PIEZO2: variants seen among roughly 807,000 people sequenced by gnomAD.
PIEZO2 encodes piezo-type mechanosensitive ion channel component 2.
Under a neutral mutation model 337.3 loss-of-function variants are expected in PIEZO2, and 172 were observed. The observed-to-expected ratio is 0.51, with a 90% CI of 0.45 to 0.58. The LOEUF is 0.58. Among genes scored for constraint, PIEZO2 ranks in the 20% least tolerant of loss-of-function variants. PIEZO2 has a pLI of 0.00. For synonymous variants in PIEZO2, 1,251 were observed against 1,228.5 expected (o/e 1.02, Z -0.38); for missense variants, 3,028 against 3,391.3 (o/e 0.89, Z 2.66).
chr18:11,043,870 C>T (rs767600933), intron 2 of PIEZO2, among the ~76,000 whole-genome samples: 117 of 152,034 alleles, frequency 7.7e-4, no homozygotes, highest in Non-Finnish European at 1.2e-3. Flanking sequence ...CAGGGGGTTT[C>T]GTCATGTTTG....
rs1427081956 is a variant in PIEZO2, at chr18:10,800,319, T to C, written c.1378+18A>G. 8.5e-6 allele frequency: 13 copies of C among 1,525,656 alleles called. No homozygotes were observed. Among genetic ancestry groups the C allele is most frequent in the Non-Finnish European group, 7.9e-6 (9 of 1,142,378 alleles). The allele number at this position is 1,525,656 out of a possible 1,614,324, so 94.5% of individuals were successfully genotyped here. A position where few individuals can be genotyped will look rare whatever the true frequency, so the allele number is the denominator to read the frequency against. On this transcript the variant is annotated intron_variant, in intron 11 of 55. Coordinates refer to ENST00000674853, the MANE Select transcript of PIEZO2 (RefSeq NM_001378183.1). ...AATGAGGAAGAAATGCGACCCTGAGTGCAGGGCTGGCTCCTACCTGAGGAT... is the reference window on the plus strand; with the variant it reads ...AATGAGGAAGAAATGCGACCCTGAGCGCAGGGCTGGCTCCTACCTGAGGAT...
chr18:11,038,759 T>C lies in PIEZO2; in HGVS notation c.160+27368A>G, dbSNP rs1238817294. On this transcript the variant is annotated intron_variant, in intron 2 of 55. Coordinates refer to ENST00000674853, the MANE Select transcript of PIEZO2 (RefSeq NM_001378183.1). This position sits in a 1 kb window ranked among gnomAD's most constrained non-coding sequence, Gnocchi z 4.1. The stretch of plus-strand genomic sequence containing the variant: ...ATTGATTAAATGTATAATACATGCA[T>C]ACATACAAATAAAATTAGCTCTATA... Among the ~76,000 whole-genome samples the C allele has an allele frequency of 2.0e-5, 3 of 152,210 alleles. No homozygotes were observed. Among genetic ancestry groups the C allele is most frequent in the African/African-American group, 2.4e-5 (1 of 41,444 alleles).
chr18:11,098,155 T>C (rs2146079129), intron 1 of PIEZO2, among the ~76,000 whole-genome samples: 1 of 152,252 alleles, frequency 6.6e-6, no homozygotes, highest in South Asian at 2.1e-4. Context: ...AAATTAGTTA[T>C]GACACTGTTC....
At chr18:10,802,085 C>CAAAAA (rs58924448) in intron 9 of PIEZO2, among the ~76,000 whole-genome samples, 29 of 96,478 alleles carry the variant, frequency 3.0e-4, no homozygotes, top group Non-Finnish European at 3.5e-4. Flanking sequence ...GACTCCGTCT[C>CAAAAA]AAAAAAAAAA....
rs2040347384 is a variant in PIEZO2, at chr18:11,131,783, A to G, written c.64+16742T>C. Among the ~76,000 whole-genome samples, 1 of 152,178 alleles carries G rather than the reference A, an allele frequency of 6.6e-6. No individual in the cohort carries two copies. The highest frequency in any genetic ancestry group is 6.5e-5 in the Admixed American group (1 of 15,284). On this transcript the variant is annotated intron_variant, in intron 1 of 55. Coordinates refer to ENST00000674853, the MANE Select transcript of PIEZO2 (RefSeq NM_001378183.1). The surrounding 1 kb of genome is among the most constrained non-coding windows in gnomAD (Gnocchi z 5.3). ...GGTCAAAAACTGTGAAGATATTTGTATCCCATGTGAGTGCTCACCAATGGG... is the reference window on the plus strand; with the variant it reads ...GGTCAAAAACTGTGAAGATATTTGTGTCCCATGTGAGTGCTCACCAATGGG...
intron 1 of PIEZO2, among the ~76,000 whole-genome samples, chr18:11,073,915 C>T (rs1392287705): frequency 3.3e-5 from 5 of 150,470 alleles, no homozygotes; most frequent in Admixed American, 6.6e-5. Context: ...GGCGCAATCT[C>T]GGCTCGCTGC....
chr18:11,037,608 G>C (rs932834484), intron 2 of PIEZO2, among the ~76,000 whole-genome samples: 9 of 152,066 alleles, frequency 5.9e-5, no homozygotes, highest in Non-Finnish European at 1.2e-4. Context: ...GGAATGAGAG[G>C]GAACTTCATA....
chr18:11,073,848 CTTTTT>C (rs71362202), intron 1 of PIEZO2, among the ~76,000 whole-genome samples: 1 of 137,174 alleles, frequency 7.3e-6, no homozygotes. Flanking sequence ...ATAACAACTG[CTTTTT>C]TTTTTTTTTT....
rs1555657103 is a variant in PIEZO2, at chr18:10,837,752, T to TTTG, written c.917+17598_917+17600dup. ...ATTTTATAAAATTTCCTCATTTTTTTTTGTTGTTGTTGTTGTTGAGATGAA... is the reference window on the plus strand; with the variant it reads ...ATTTTATAAAATTTCCTCATTTTTTTTTGTTGTTGTTGTTGTTGTTGAGATGAA... On this transcript the variant is annotated intron_variant, in intron 7 of 55. Coordinates refer to ENST00000674853, the MANE Select transcript of PIEZO2 (RefSeq NM_001378183.1). The surrounding 1 kb of genome is among the most constrained non-coding windows in gnomAD (Gnocchi z 4.4). Among the ~76,000 whole-genome samples the TTTG allele has an allele frequency of 3.3e-5, 5 of 152,040 alleles. No homozygotes were observed. Among genetic ancestry groups the TTTG allele is most frequent in the Non-Finnish European group, 7.4e-5 (5 of 68,002 alleles).
At chr18:10,762,391 G>A (rs1475657521) in intron 23 of PIEZO2, 109 bp downstream of exon 23, 2 of 1,325,154 alleles carry the variant, frequency 1.5e-6, no homozygotes, top group Admixed American at 2.8e-5. Flanking sequence ...AATCCCACAT[G>A]AGAAGATATG....
chr18:11,122,321 A>G (rs1271339017), intron 1 of PIEZO2, among the ~76,000 whole-genome samples: 1 of 152,230 alleles, frequency 6.6e-6, no homozygotes, highest in Non-Finnish European at 1.5e-5. Context: ...GACATTATCA[A>G]GATTTACTTT....
At chr18:10,695,968 C>T in intron 47 of PIEZO2, 106 bp downstream of exon 47, 3 of 1,123,662 alleles carry the variant, frequency 2.7e-6, no homozygotes, top group Non-Finnish European at 2.7e-6. Flanking sequence ...TGTGCCAAGG[C>T]TCTGCCTGTG....
chr18:10,733,009 G>A (rs928622995), intron 35 of PIEZO2, among the ~76,000 whole-genome samples: 1 of 44,412 alleles, frequency 2.3e-5, no homozygotes, highest in Non-Finnish European at 3.9e-5. Context: ...TTGAGGATTT[G>A]TGAATATGAG....
chr18:10,983,043 A>T (rs1397535240), intron 2 of PIEZO2, among the ~76,000 whole-genome samples: 1 of 152,230 alleles, frequency 6.6e-6, no homozygotes, highest in Non-Finnish European at 1.5e-5. Context: ...TTAAACAAAC[A>T]GAAACTTATA....
At position 11,048,605 on chromosome 18, in the gene PIEZO2, T is replaced by C. The variant is rs1377193958; in HGVS notation, c.160+17522A>G. 6.6e-6 allele frequency among the ~76,000 whole-genome samples: 1 copy of C among 152,252 alleles called. No homozygotes were observed. Among genetic ancestry groups the C allele is most frequent in the Non-Finnish European group, 1.5e-5 (1 of 68,044 alleles). On this transcript the variant is annotated intron_variant, in intron 2 of 55. Transcript: ENST00000674853. This position sits in a 1 kb window ranked among gnomAD's most constrained non-coding sequence, Gnocchi z 4.5. ...GTAAGATACAGCAGAATGAGGGAAA[T>C]GCTTATATAGATAACTGAATTATTT... is the stretch of plus-strand genomic sequence containing the variant.
In PIEZO2 at chr18:10,789,212, A is replaced by C; in HGVS notation, c.2036T>G (p.Val679Gly). ...QDIMKVLGNL[V>G]VAMFIKYWIY... ...CCAGTACTTGATGAACATGGCCACC[A>C]CCAGATTGCCCAGGACTTTCATGAT... The change falls in exon 15 of 56, where the codon GTG (valine) becomes GGG (glycine). Residue 679 changes from valine (V) to glycine (G), a missense_variant. By Grantham distance (109) the Val-to-Gly change is moderately radical (BLOSUM62 -3). Coordinates refer to ENST00000674853, the MANE Select transcript of PIEZO2 (RefSeq NM_001378183.1). 1 of 1,537,280 alleles carries C rather than the reference A, an allele frequency of 6.5e-7. No individual in the cohort carries two copies. Among genetic ancestry groups the C allele is most frequent in the Non-Finnish European group, 8.7e-7 (1 of 1,146,908 alleles).
chr18:10,934,630 T>C (rs2032275174), intron 3 of PIEZO2, among the ~76,000 whole-genome samples: 1 of 140,914 alleles, frequency 7.1e-6, no homozygotes, highest in Admixed American at 7.6e-5. Context: ...GTCAGTATTG[T>C]GTGTACGTGT....
At position 10,696,282 on chromosome 18, in the gene PIEZO2, A is replaced by C. The variant is rs147841999; in HGVS notation, c.6982T>G (p.Ser2328Ala). 3.7e-6 allele frequency: 6 copies of C among 1,614,014 alleles called. No individual in the cohort carries two copies. The highest frequency in any genetic ancestry group is 5.1e-6 in the Non-Finnish European group (6 of 1,180,020). Residue 2328 changes from serine (S) to alanine (A), a missense_variant, in exon 47 of 56, where the codon TCA becomes GCA. Coordinates refer to ENST00000674853, the MANE Select transcript of PIEZO2 (RefSeq NM_001378183.1). ...GAAGAGGTGATGTCTGCAGCTGCTGAGTGTTTCTGGGGAAGAGACAACAAA... is the reference window on the plus strand; with the variant it reads ...GAAGAGGTGATGTCTGCAGCTGCTGCGTGTTTCTGGGGAAGAGACAACAAA... Reference protein sequence around the residue: ...VFGFWAFGKHSAAADITSSLS... With the variant: ...VFGFWAFGKHAAAADITSSLS...
chr18:10,889,236 T>G (rs1430525131), intron 4 of PIEZO2, among the ~76,000 whole-genome samples: 1 of 152,224 alleles, frequency 6.6e-6, no homozygotes, highest in Non-Finnish European at 1.5e-5. Context: ...TTCCCCTTTC[T>G]GTAACTTGAC....
Sources: gnomAD v4.1 joint callset for allele counts (sites outside exome capture counted in the v4.1 genomes callset) on GRCh38, gnomAD v4.1.1 for gene constraint, Gnocchi (gnomAD v3.1) non-coding constraint, MANE v1.5 for transcripts, NCBI Gene and HGNC (gene_info 2026-07-23, HGNC 2026-07-21) for gene names.